Variants in THRAP3 observed in about 807,000 individuals in gnomAD.
THRAP3 encodes thyroid hormone receptor associated protein 3, also known as thyroid hormone receptor-associated protein 3.
In THRAP3, 16 loss-of-function variants were observed where a neutral mutation model predicts 101.0. That is an observed-to-expected ratio of 0.16 (90% CI 0.11 to 0.24). The LOEUF (loss-of-function observed/expected upper bound fraction) is 0.24, where lower values mean the gene tolerates loss of function less well. Among genes scored for constraint, THRAP3 ranks in the 10% least tolerant of loss-of-function variants. The pLI is 1.00. For synonymous variants in THRAP3, 407 were observed against 422.6 expected, an observed-to-expected ratio of 0.96 and a Z score of 0.45; for missense variants, 989 against 1,202.7, an observed-to-expected ratio of 0.82 and a Z score of 2.63.
intron 2 of THRAP3, among the ~76,000 whole-genome samples, chr1:36,271,698 A>G (rs1054733848): frequency 2.7e-5 from 4 of 146,504 alleles, no homozygotes; most frequent in Non-Finnish European, 5.9e-5. Flanking sequence ...AGTTCAAGCA[A>G]TTCTCCTGCC....
At chr1:36,235,100 C>A (rs957648579) in intron 1 of THRAP3, among the ~76,000 whole-genome samples, 3 of 152,170 alleles carry the variant, frequency 2.0e-5, no homozygotes, top group African/African-American at 7.2e-5. Flanking sequence ...AGGCGTGAGG[C>A]ACTATGACCA....
chr1:36,212,713 C>T, the THRAP3 span, among the ~76,000 whole-genome samples: 2 of 152,100 alleles, frequency 1.3e-5, no homozygotes, highest in African/African-American at 4.8e-5. Context: ...TGCCACCACA[C>T]CCAGCAGGGA....
chr1:36,277,021 T>C (rs1284136232), intron 2 of THRAP3, among the ~76,000 whole-genome samples: 1 of 152,030 alleles, frequency 6.6e-6, no homozygotes. Flanking sequence ...CAGGCTGGAG[T>C]GTAATGGCAC....
At chr1:36,301,428 C>T in intron 10 of THRAP3, 125 bp from the exon 11 acceptor site, 1 of 1,245,122 alleles carries the variant, frequency 8.0e-7, no homozygotes, top group Non-Finnish European at 1.1e-6. Context: ...AACCAGCTGA[C>T]CAGCATATGA....
chr1:36,268,985 G>GA (rs1171243350), intron 2 of THRAP3, among the ~76,000 whole-genome samples: 1 of 152,292 alleles, frequency 6.6e-6, no homozygotes, highest in Non-Finnish European at 1.5e-5. Context: ...CTCGGCCTCT[G>GA]AAAGTGCTGG....
At chr1:36,274,076 T>TCA (rs763330875) in intron 2 of THRAP3, among the ~76,000 whole-genome samples, 2,052 of 44,654 alleles carry the variant, frequency 0.046, 74 homozygotes, top group African/African-American at 0.093. Context: ...TGTGTGTGTG[T>TCA]CACACACACA....
intron 4 of THRAP3, 68 bp from the exon 5 acceptor site, chr1:36,288,992 T>A: frequency 7.0e-7 from 1 of 1,419,922 alleles, no homozygotes; most frequent in South Asian, 1.8e-5. Context: ...CCAAAAACGG[T>A]AAGGCACTAT....
chr1:36,278,823 T>G (rs1027187174), intron 2 of THRAP3, among the ~76,000 whole-genome samples: 1 of 151,942 alleles, frequency 6.6e-6, no homozygotes, highest in African/African-American at 2.4e-5. Flanking sequence ...CTTGGGAAGC[T>G]GAGGCAGGAG....
chr1:36,274,666 C>G (rs1041426088), intron 2 of THRAP3, among the ~76,000 whole-genome samples: 3 of 86,094 alleles, frequency 3.5e-5, no homozygotes, highest in South Asian at 4.0e-4. Flanking sequence ...GAGTTTTGCT[C>G]TTGTCACCCA....
At chr1:36,271,165 G>GT (rs1257458332) in intron 2 of THRAP3, among the ~76,000 whole-genome samples, 2 of 152,148 alleles carry the variant, frequency 1.3e-5, no homozygotes, top group African/African-American at 2.4e-5. Flanking sequence ...ATGTATGTCT[G>GT]TAACTACAGA....
intron 2 of THRAP3, among the ~76,000 whole-genome samples, chr1:36,265,209 G>T (rs1273206814): frequency 6.6e-6 from 1 of 152,086 alleles, no homozygotes; most frequent in Non-Finnish European, 1.5e-5. Flanking sequence ...TGGTACATTT[G>T]TCCCAATTAA....
chr1:36,273,457 C>T (rs1645615475), intron 2 of THRAP3, among the ~76,000 whole-genome samples: 1 of 152,152 alleles, frequency 6.6e-6, no homozygotes, highest in Non-Finnish European at 1.5e-5. Flanking sequence ...GAAAAATTTA[C>T]AGCTAACATC....
chr1:36,210,382 A>AT, the THRAP3 span, among the ~76,000 whole-genome samples: 9 of 145,342 alleles, frequency 6.2e-5, 1 homozygote, highest in African/African-American at 2.0e-4. Context: ...AAAAAAAAAA[A>AT]GAAAAAAATT....
In THRAP3 at chr1:36,292,264, C is replaced by CTTTT. The variant is rs774003081; in HGVS notation, c.1919-312_1919-309dup. 8.4e-3 allele frequency among the ~76,000 whole-genome samples: 173 copies of CTTTT among 20,484 alleles called. 3 individuals carry two copies. The highest frequency in any genetic ancestry group is 0.022 in the African/African-American group (151 of 7,002). The allele number at this position is 20,484 out of a possible 152,430, so 13.4% of individuals were successfully genotyped here. A position where few individuals can be genotyped will look rare whatever the true frequency, so the allele number is the denominator to read the frequency against. Reference sequence around the variant, plus strand: ...GGTAACATAATGTGTTTCTTTGTTTCTTTTTTTTTTTTTTTTTTTTTTTTT... The same window carrying CTTTT: ...GGTAACATAATGTGTTTCTTTGTTTCTTTTTTTTTTTTTTTTTTTTTTTTTTTTT... On this transcript the variant is annotated intron_variant, in intron 6 of 11. Coordinates refer to ENST00000354618, the MANE Select transcript of THRAP3 (RefSeq NM_005119.4).
intron 1 of THRAP3, among the ~76,000 whole-genome samples, chr1:36,234,737 G>A (rs1299207383): frequency 1.3e-5 from 2 of 151,462 alleles, no homozygotes; most frequent in Non-Finnish European, 2.9e-5. Flanking sequence ...TGGGTTAATG[G>A]TGAATGCTTT....
intron 1 of THRAP3, among the ~76,000 whole-genome samples, chr1:36,241,640 G>A (rs530244849): frequency 5.2e-4 from 77 of 148,184 alleles, no homozygotes; most frequent in African/African-American, 1.8e-3. Context: ...GTGCAGTGGC[G>A]TGATCTTGGC....
intron 8 of THRAP3, chr1:36,294,272 C>T: frequency 1.6e-5 from 16 of 1,016,822 alleles, no homozygotes; most frequent in South Asian, 3.9e-5. Flanking sequence ...TGTATACATG[C>T]ACTATTTCCA....
chr1:36,225,348 A>G (rs192921782), intron 1 of THRAP3: 65 of 152,300 alleles, frequency 4.3e-4, no homozygotes, highest in African/African-American at 1.5e-3. Flanking sequence ...TGGGAGCATA[A>G]CAGAAGTATC....
At chr1:36,266,362 A>T (rs375655547) in intron 2 of THRAP3, among the ~76,000 whole-genome samples, 2 of 151,988 alleles carry the variant, frequency 1.3e-5, no homozygotes, top group South Asian at 2.1e-4. Context: ...AACAAGAAAA[A>T]TTCCAGTTCC....
Sources: gnomAD v4.1 joint callset for allele counts (sites outside exome capture counted in the v4.1 genomes callset) on GRCh38, gnomAD v4.1.1 for gene constraint, MANE v1.5 for transcripts, NCBI Gene and HGNC (gene_info 2026-07-23, HGNC 2026-07-21) for gene names.